Variants in TCERG1L observed in about 807,000 individuals in gnomAD.
TCERG1L encodes the protein transcription elongation regulator 1-like protein.
A neutral mutation model predicts 56.3 loss-of-function variants in TCERG1L; 37 were observed. The ratio of observed to expected loss-of-function variants is 0.66; its 90% CI spans 0.51 to 0.87. TCERG1L has a LOEUF of 0.87. Ranked by LOEUF, TCERG1L falls within the 40% of genes least tolerant of loss-of-function variation. TCERG1L has a pLI of 0.00. For missense variants in TCERG1L, 799 were observed against 774.2 expected (o/e 1.03, Z -0.38); for synonymous variants, 324 against 326.3 (o/e 0.99, Z 0.08).
At chr10:131,280,082 T>C (rs1221102046) in intron 3 of TCERG1L, among the ~76,000 whole-genome samples, 11 of 152,210 alleles carry the variant, frequency 7.2e-5, no homozygotes, top group Non-Finnish European at 1.3e-4. Context: ...CAGGAGGTCC[T>C]GGTGACATGT....
intron 4 of TCERG1L, among the ~76,000 whole-genome samples, chr10:131,252,806 C>T (rs1171974267): frequency 1.3e-5 from 2 of 152,156 alleles, no homozygotes; most frequent in Non-Finnish European, 2.9e-5. Flanking sequence ...ATGACATGTC[C>T]TGTCTGTGGT....
At chr10:131,157,337 A>T (rs567916265) in intron 6 of TCERG1L, among the ~76,000 whole-genome samples, 1 of 152,346 alleles carries the variant, frequency 6.6e-6, no homozygotes, top group South Asian at 2.1e-4. Flanking sequence ...TATTTAATAT[A>T]TATTTTTTAA....
chr10:131,254,172 T>C (rs1227187124), intron 4 of TCERG1L, among the ~76,000 whole-genome samples: 1 of 151,808 alleles, frequency 6.6e-6, no homozygotes, highest in Non-Finnish European at 1.5e-5. Flanking sequence ...GAAGGCACCA[T>C]CAGGCCTGGG....
At chr10:131,252,225 G>A (rs1282504627) in intron 4 of TCERG1L, among the ~76,000 whole-genome samples, 2 of 152,172 alleles carry the variant, frequency 1.3e-5, no homozygotes, top group Admixed American at 1.3e-4. Flanking sequence ...GAACATGGGT[G>A]CACAGATAGC....
chr10:131,278,866 G>A lies in TCERG1L; in HGVS notation c.671-18422C>T, dbSNP rs752144823. 5.9e-5 allele frequency among the ~76,000 whole-genome samples: 9 copies of A among 152,134 alleles called. No homozygotes were observed. In the South Asian group the frequency reaches 8.3e-4, roughly 14 times the overall value. Reference sequence around the variant, plus strand: ...AGCTCTCCTGGGCTCATGGGGCCTCGGGTCCCCTGAAAGTCCTCCCTGATG... The same window carrying A: ...AGCTCTCCTGGGCTCATGGGGCCTCAGGTCCCCTGAAAGTCCTCCCTGATG... On this transcript the variant is annotated intron_variant, in intron 3 of 11. Coordinates refer to ENST00000368642, the MANE Select transcript of TCERG1L (RefSeq NM_174937.4).
chr10:131,190,603 G>A (rs1255541563), intron 4 of TCERG1L, among the ~76,000 whole-genome samples: 1 of 143,918 alleles, frequency 6.9e-6, no homozygotes, highest in East Asian at 1.9e-4. Context: ...AGGGAGGCAG[G>A]GTTGGTTTAA....
intron 3 of TCERG1L, among the ~76,000 whole-genome samples, chr10:131,263,366 G>A (rs968966820): frequency 4.6e-5 from 7 of 152,226 alleles, no homozygotes; most frequent in East Asian, 1.9e-4. Flanking sequence ...GTAATTATGC[G>A]GATAAAAAGG....
chr10:131,255,965 G>A (rs1846161265), intron 4 of TCERG1L, among the ~76,000 whole-genome samples: 1 of 152,154 alleles, frequency 6.6e-6, no homozygotes, highest in Admixed American at 6.5e-5. Flanking sequence ...GGGGTTTGTT[G>A]GTTTAAATCC....
chr10:131,187,453 C>A (rs2133458908), intron 4 of TCERG1L, among the ~76,000 whole-genome samples: 1 of 152,240 alleles, frequency 6.6e-6, no homozygotes, highest in African/African-American at 2.4e-5. Flanking sequence ...TTCTACCTGG[C>A]CATGCTGCTC....
intron 4 of TCERG1L, among the ~76,000 whole-genome samples, chr10:131,174,119 G>A (rs1267235295): frequency 6.6e-6 from 1 of 152,154 alleles, no homozygotes; most frequent in Non-Finnish European, 1.5e-5. Context: ...ATGTACAGGT[G>A]GTGGCCTTGC....
At chr10:131,112,642 C>T (rs946667567) in intron 9 of TCERG1L, among the ~76,000 whole-genome samples, 7 of 142,236 alleles carry the variant, frequency 4.9e-5, no homozygotes, top group East Asian at 2.4e-4. Context: ...GTGGAATGAC[C>T]GGGCTTCCAC....
chr10:131,281,683 G>C (rs970359788), intron 3 of TCERG1L, among the ~76,000 whole-genome samples: 3 of 151,690 alleles, frequency 2.0e-5, no homozygotes, highest in Non-Finnish European at 2.9e-5. Context: ...CTACTCTCCC[G>C]ACGCTCCGTC....
chr10:131,241,171 G>T lies in TCERG1L; in HGVS notation c.856+19088C>A, dbSNP rs76258830. Among the ~76,000 whole-genome samples, 231 of 150,638 alleles carry T rather than the reference G, an allele frequency of 1.5e-3. 4 individuals carry two copies. In the East Asian group the frequency reaches 0.034, roughly 22 times the overall value. ...GATCCGGAGAGTGGAGGAGCCGCCC[G>T]CACGCAGAATGGGTGGAGGGCGGTG... On this transcript the variant is annotated intron_variant, in intron 4 of 11. Coordinates refer to ENST00000368642, the MANE Select transcript of TCERG1L (RefSeq NM_174937.4).
intron 5 of TCERG1L, among the ~76,000 whole-genome samples, chr10:131,165,896 C>T (rs142328308): frequency 6.9e-4 from 105 of 152,190 alleles, no homozygotes; most frequent in African/African-American, 2.3e-3. Flanking sequence ...GAATTAGACT[C>T]GAAGAACCAT....
chr10:131,257,049 G>GAAAAAGAAAAGA (rs547781119), intron 4 of TCERG1L, among the ~76,000 whole-genome samples: 212 of 140,304 alleles, frequency 1.5e-3, no homozygotes, highest in African/African-American at 5.4e-3. Context: ...AAGAAAGAAA[G>GAAAAAGAAAAGA]AAAGAAAAGA....
At chr10:131,153,172 C>T (rs1845883713) in intron 6 of TCERG1L, among the ~76,000 whole-genome samples, 2 of 152,240 alleles carry the variant, frequency 1.3e-5, no homozygotes, top group South Asian at 4.1e-4. Flanking sequence ...AGACACTAGG[C>T]TGAGTGGTGT....
chr10:131,123,856 A>G (rs995975559), intron 8 of TCERG1L, among the ~76,000 whole-genome samples: 1 of 152,054 alleles, frequency 6.6e-6, no homozygotes, highest in African/African-American at 2.4e-5. Context: ...CTGTCTTCTC[A>G]AATGCATTTT....
intron 4 of TCERG1L, among the ~76,000 whole-genome samples, chr10:131,206,924 G>A (rs1845537246): frequency 6.6e-6 from 1 of 152,130 alleles, no homozygotes; most frequent in East Asian, 1.9e-4. Flanking sequence ...ACTCCCAGAG[G>A]GGCCAGGGAA....
chr10:131,194,508 TCA>T lies in TCERG1L; in HGVS notation c.857-27625_857-27624del, dbSNP rs561067833. The stretch of plus-strand genomic sequence containing the variant: ...GTTCTCCTTTTGACTTTGCTTGTGA[TCA>T]CAGTTTCCATGCCTCAAATTTTTAT... On this transcript the variant is annotated intron_variant, in intron 4 of 11. Coordinates refer to ENST00000368642, the MANE Select transcript of TCERG1L (RefSeq NM_174937.4). Among the ~76,000 whole-genome samples, 109 of 152,358 alleles carry T rather than the reference TCA, an allele frequency of 7.2e-4. 1 individual carries two copies. Among genetic ancestry groups the T allele is most frequent in the Non-Finnish European group, 1.4e-3 (94 of 68,036 alleles).
Sources: allele counts gnomAD v4.1 joint callset (sites outside exome capture counted in the v4.1 genomes callset), GRCh38; gene constraint gnomAD v4.1.1; transcripts MANE v1.5; gene names NCBI Gene and HGNC (gene_info 2026-07-23, HGNC 2026-07-21).